MEGF11: variants seen among roughly 807,000 people sequenced by gnomAD.
MEGF11 encodes multiple EGF like domains 11, also known as multiple epidermal growth factor-like domains protein 11.
MEGF11 carries 126 observed loss-of-function variants against 146.6 expected under a neutral mutation model. That is an observed-to-expected ratio of 0.86 (90% confidence interval 0.74 to 1.00). The LOEUF (loss-of-function observed/expected upper bound fraction) is 1.00, where lower values mean the gene tolerates loss of function less well. Among genes scored for constraint, MEGF11 ranks in the 50% least tolerant of loss-of-function variants. MEGF11 has a pLI of 0.00. For synonymous variants in MEGF11, 532 were observed against 583.4 expected (o/e 0.91, Z 1.27); for missense variants, 1,509 against 1,521.2 (o/e 0.99, Z 0.13).
At chr15:65,942,491 T>C (rs569543143) in intron 10 of MEGF11, among the ~76,000 whole-genome samples, 1 of 152,256 alleles carries the variant, frequency 6.6e-6, no homozygotes, top group African/African-American at 2.4e-5. Context: ...TTTAATAATG[T>C]ATATCCTTTG....
At chr15:66,124,028 A>G (rs899907004) in intron 2 of MEGF11, 28 bp from the exon 3 acceptor site, 8 of 1,565,620 alleles carry the variant, frequency 5.1e-6, no homozygotes, top group Middle Eastern at 1.7e-4. Context: ...GATAGGAGCC[A>G]TGATTAGCAC....
intron 5 of MEGF11, among the ~76,000 whole-genome samples, chr15:66,018,639 G>A (rs951640324): frequency 5.9e-5 from 9 of 152,098 alleles, no homozygotes; most frequent in South Asian, 2.1e-4. Context: ...GAGTGTGTGC[G>A]AGCGGGTGCC....
At chr15:66,144,732 C>T (rs1263215332) in intron 1 of MEGF11, among the ~76,000 whole-genome samples, 2 of 152,172 alleles carry the variant, frequency 1.3e-5, no homozygotes, top group East Asian at 3.9e-4. Context: ...CCACCTGAGC[C>T]CAACCATAGA....
At chr15:66,135,039 C>G (rs1020449339) in intron 1 of MEGF11, among the ~76,000 whole-genome samples, 23 of 152,184 alleles carry the variant, frequency 1.5e-4, no homozygotes, top group Non-Finnish European at 1.0e-4. Flanking sequence ...TTTACCTGCT[C>G]CAGGGCTGAG....
intron 8 of MEGF11, among the ~76,000 whole-genome samples, chr15:65,969,541 C>CCT (rs1235348821): frequency 6.6e-6 from 1 of 152,116 alleles, no homozygotes; most frequent in Non-Finnish European, 1.5e-5. Context: ...GGTAAATAAG[C>CCT]CCAAGGCTAA....
At chr15:66,135,599 C>G (rs1450968137) in intron 1 of MEGF11, among the ~76,000 whole-genome samples, 1 of 152,158 alleles carries the variant, frequency 6.6e-6, no homozygotes, top group African/African-American at 2.4e-5. Flanking sequence ...AAATCAGAGG[C>G]CTTTGCAGGT....
chr15:65,907,572 G>C (rs117394432), intron 23 of MEGF11, among the ~76,000 whole-genome samples: 10,351 of 152,244 alleles, frequency 0.068, 368 homozygotes, highest in Middle Eastern at 0.099. Context: ...TGGGATTACA[G>C]ACGTGAGCCA....
chr15:65,950,205 T>TAG (rs960629949), intron 10 of MEGF11, among the ~76,000 whole-genome samples: 31 of 152,342 alleles, frequency 2.0e-4, no homozygotes, highest in African/African-American at 7.0e-4. Context: ...ACTAATATGC[T>TAG]AGACATTCTA....
chr15:66,110,136 A>G (rs1302793052), intron 4 of MEGF11, among the ~76,000 whole-genome samples: 4 of 152,180 alleles, frequency 2.6e-5, no homozygotes, highest in Non-Finnish European at 5.9e-5. Context: ...AATCCAACAT[A>G]GGCATTAACA....
intron 5 of MEGF11, among the ~76,000 whole-genome samples, chr15:66,087,217 A>C (rs1002330093): frequency 2.0e-5 from 3 of 152,204 alleles, no homozygotes; most frequent in Non-Finnish European, 2.9e-5. Context: ...CGGCAACACA[A>C]TAATAGTGGG....
intron 1 of MEGF11, among the ~76,000 whole-genome samples, chr15:66,231,618 C>T (rs757817562): frequency 6.6e-6 from 1 of 152,170 alleles, no homozygotes; most frequent in African/African-American, 2.4e-5. Flanking sequence ...CTGATTCAAA[C>T]TCCCGCCCCT....
intron 24 of MEGF11, among the ~76,000 whole-genome samples, chr15:65,899,315 G>C (rs904601895): frequency 2.0e-5 from 3 of 152,226 alleles, no homozygotes; most frequent in Non-Finnish European, 2.9e-5. Context: ...CACAGCTAGT[G>C]AATGGCAGTG....
At chr15:65,980,395 C>CTTTTTTTTTTTTTTTT (rs60154748) in intron 7 of MEGF11, among the ~76,000 whole-genome samples, 4 of 88,196 alleles carry the variant, frequency 4.5e-5, no homozygotes, top group African/African-American at 2.0e-4. Flanking sequence ...AAGAATTCAG[C>CTTTTTTTTTTTTTTTT]TTTTTTTTTT....
At chr15:66,033,934 G>A (rs922956503) in intron 5 of MEGF11, among the ~76,000 whole-genome samples, 4 of 152,170 alleles carry the variant, frequency 2.6e-5, no homozygotes, top group Admixed American at 2.6e-4. Flanking sequence ...GGGATTACAG[G>A]CGCCCACCAC....
chr15:66,028,643 A>T (rs923031767), intron 5 of MEGF11, among the ~76,000 whole-genome samples: 5 of 152,250 alleles, frequency 3.3e-5, no homozygotes, highest in African/African-American at 1.2e-4. Context: ...AAAACAACCT[A>T]AATGGTCAAA....
At chr15:65,986,931 G>A (rs1291785166) in intron 5 of MEGF11, among the ~76,000 whole-genome samples, 1 of 151,276 alleles carries the variant, frequency 6.6e-6, no homozygotes, top group African/African-American at 2.4e-5. Context: ...CTGAGTAGCT[G>A]GGATTACTGG....
chr15:66,226,601 T>A (rs1337832926), intron 1 of MEGF11, among the ~76,000 whole-genome samples: 1 of 152,182 alleles, frequency 6.6e-6, no homozygotes, highest in Non-Finnish European at 1.5e-5. Flanking sequence ...TGCTGCTATA[T>A]TGTTATAATT....
intron 1 of MEGF11, among the ~76,000 whole-genome samples, chr15:66,172,635 C>T (rs1053822976): frequency 2.6e-5 from 4 of 152,324 alleles, no homozygotes; most frequent in African/African-American, 9.6e-5. Context: ...AGCAGTCCCA[C>T]TGTCACCCAC....
At chr15:66,238,340 TC>T (rs1272536731) in intron 1 of MEGF11, among the ~76,000 whole-genome samples, 4 of 152,204 alleles carry the variant, frequency 2.6e-5, no homozygotes, top group Admixed American at 2.0e-4. Context: ...TTTCTGCGAT[TC>T]CCTCAGGGAC....
Sources: allele counts gnomAD v4.1 joint callset (sites outside exome capture counted in the v4.1 genomes callset), GRCh38; gene constraint gnomAD v4.1.1; transcripts MANE v1.5; gene names NCBI Gene and HGNC (gene_info 2026-07-23, HGNC 2026-07-21).